MTUS2: variants seen among roughly 807,000 people sequenced by gnomAD.
The protein encoded by MTUS2 is microtubule-associated tumor suppressor candidate 2.
Under a neutral mutation model 114.1 loss-of-function variants are expected in MTUS2, and 40 were observed. The ratio of observed to expected loss-of-function variants is 0.35; its 90% confidence interval spans 0.27 to 0.46. The LOEUF (loss-of-function observed/expected upper bound fraction) is 0.46, where lower values mean the gene tolerates loss of function less well. Among genes scored for constraint, MTUS2 ranks in the 20% least tolerant of loss-of-function variants. The pLI is 1.00. For missense variants in MTUS2, 1,679 were observed against 1,705.4 expected (o/e 0.98, Z 0.27); for synonymous variants, 688 against 672.0 (o/e 1.02, Z -0.37).
At chr13:29,331,770 C>G (rs1293578989) in intron 7 of MTUS2, among the ~76,000 whole-genome samples, 3 of 152,018 alleles carry the variant, frequency 2.0e-5, no homozygotes, top group Non-Finnish European at 4.4e-5. Context: ...TAGCATGAAG[C>G]ACTGTTGAAT....
At chr13:29,244,581 G>T (rs1896842491) in intron 5 of MTUS2, among the ~76,000 whole-genome samples, 1 of 152,172 alleles carries the variant, frequency 6.6e-6, no homozygotes, top group East Asian at 1.9e-4. Context: ...GTTGGCGCAT[G>T]CTATTGGAAG....
intron 2 of MTUS2, among the ~76,000 whole-genome samples, chr13:28,934,638 C>G (rs1881794870): frequency 1.3e-5 from 2 of 152,130 alleles, no homozygotes; most frequent in African/African-American, 4.8e-5. Flanking sequence ...ATTCTCCTGC[C>G]TCAGCCTCCT....
chr13:29,492,436 C>T (rs545908444), intron 11 of MTUS2, among the ~76,000 whole-genome samples: 1 of 152,028 alleles, frequency 6.6e-6, no homozygotes, highest in South Asian at 2.1e-4. Flanking sequence ...CCCTCCCTTT[C>T]CCCAGTCCCT....
chr13:29,355,587 A>G (rs1869669819), intron 7 of MTUS2, among the ~76,000 whole-genome samples: 1 of 152,242 alleles, frequency 6.6e-6, no homozygotes, highest in Non-Finnish European at 1.5e-5. Context: ...GCCTGAGGGC[A>G]AGGACTGGCT....
rs562233896 is a variant in MTUS2 at position 28,937,693 on chromosome 13, A to G, written c.-242-86764A>G. Among the ~76,000 whole-genome samples, 5 of 152,166 alleles carry G rather than the reference A, an allele frequency of 3.3e-5. No homozygotes were observed. In the South Asian group the frequency reaches 1.0e-3, roughly 32 times the overall value. The stretch of plus-strand genomic sequence containing the variant: ...AGCCCAGGTTTCTGGCCACTTTGGG[A>G]CAGTGTAGGTGGGTCCTGCGTGTCC... On this transcript the variant is annotated intron_variant, in intron 2 of 15. Transcript: ENST00000612955.
At chr13:29,303,991 T>G (rs1899323161) in intron 6 of MTUS2, among the ~76,000 whole-genome samples, 1 of 152,294 alleles carries the variant, frequency 6.6e-6, no homozygotes, top group African/African-American at 2.4e-5. Context: ...GTCAACATTC[T>G]TAAAGAAAAG....
intron 2 of MTUS2, among the ~76,000 whole-genome samples, chr13:28,845,120 G>GT (rs931503839): frequency 2.3e-4 from 34 of 148,562 alleles, no homozygotes; most frequent in East Asian, 7.9e-4. Flanking sequence ...GGCCTGGCCA[G>GT]TTTTTTTTTT....
At chr13:29,394,356 A>G (rs1873740680) in intron 8 of MTUS2, among the ~76,000 whole-genome samples, 1 of 152,138 alleles carries the variant, frequency 6.6e-6, no homozygotes, top group Non-Finnish European at 1.5e-5. Context: ...AACTAGAAGC[A>G]GAGGGGAGGG....
At chr13:29,058,259 G>T (rs1888233108) in intron 4 of MTUS2, among the ~76,000 whole-genome samples, 1 of 151,076 alleles carries the variant, frequency 6.6e-6, no homozygotes, top group Non-Finnish European at 1.5e-5. Context: ...GTGTCTTAGG[G>T]ATGGTCATCT....
intron 2 of MTUS2, among the ~76,000 whole-genome samples, chr13:28,911,364 C>G (rs997879632): frequency 6.6e-6 from 1 of 151,606 alleles, no homozygotes; most frequent in South Asian, 2.1e-4. Flanking sequence ...TTAGTAGAGA[C>G]CAGGTTTCAC....
At chr13:29,325,328 C>T (rs1236363218) in intron 7 of MTUS2, among the ~76,000 whole-genome samples, 3 of 151,612 alleles carry the variant, frequency 2.0e-5, no homozygotes, top group Non-Finnish European at 4.4e-5. Context: ...TGATGGCTTT[C>T]GCCTGTAGTC....
intron 9 of MTUS2, among the ~76,000 whole-genome samples, chr13:29,452,572 A>ATGTG (rs1448764367): frequency 3.3e-4 from 16 of 48,740 alleles, no homozygotes; most frequent in African/African-American, 1.0e-3. Flanking sequence ...ATATATATAT[A>ATGTG]TATGTGTGTG....
intron 6 of MTUS2, among the ~76,000 whole-genome samples, chr13:29,286,447 C>G (rs1407972061): frequency 6.6e-6 from 1 of 152,126 alleles, no homozygotes; most frequent in Non-Finnish European, 1.5e-5. Context: ...CAGCTAGTCT[C>G]TCTAGTGTCT....
chr13:29,268,450 C>T (rs1048057359), intron 5 of MTUS2, among the ~76,000 whole-genome samples: 4 of 152,076 alleles, frequency 2.6e-5, no homozygotes, highest in Non-Finnish European at 2.9e-5. Flanking sequence ...ACGATGCTCC[C>T]GAGTCCCTCC....
intron 1 of MTUS2, among the ~76,000 whole-genome samples, chr13:28,825,190 A>G (rs1327738024): frequency 6.6e-6 from 1 of 152,190 alleles, no homozygotes; most frequent in Non-Finnish European, 1.5e-5. Flanking sequence ...AGGACCTCTC[A>G]GGGCATCGGA....
intron 5 of MTUS2, among the ~76,000 whole-genome samples, chr13:29,132,726 A>G (rs980358372): frequency 4.6e-5 from 7 of 152,210 alleles, no homozygotes; most frequent in Non-Finnish European, 1.5e-5. Context: ...CTTTGTATGC[A>G]TAGACCATAT....
At chr13:28,883,493 A>G (rs1353092847) in intron 2 of MTUS2, among the ~76,000 whole-genome samples, 6 of 152,234 alleles carry the variant, frequency 3.9e-5, no homozygotes, top group Admixed American at 3.9e-4. Context: ...TGATACATGC[A>G]GCAACTTGGA....
intron 8 of MTUS2, among the ~76,000 whole-genome samples, chr13:29,400,053 C>A (rs1555274083): frequency 6.6e-6 from 1 of 152,094 alleles, no homozygotes; most frequent in Non-Finnish European, 1.5e-5. Flanking sequence ...GAATGCCTTA[C>A]CAACAACAAT....
chr13:29,272,110 G>C (rs1307338274), intron 5 of MTUS2, among the ~76,000 whole-genome samples: 2 of 152,040 alleles, frequency 1.3e-5, no homozygotes, highest in African/African-American at 4.8e-5. Context: ...GTTTACTTTA[G>C]GCCTTTAATG....
Sources: gnomAD v4.1 joint callset for allele counts (sites outside exome capture counted in the v4.1 genomes callset) on GRCh38, gnomAD v4.1.1 for gene constraint, MANE v1.5 for transcripts, NCBI Gene and HGNC (gene_info 2026-07-23, HGNC 2026-07-21) for gene names.